The following CLEC12A variants were observed in gnomAD, a reference collection of about 807,000 sequenced individuals.
CLEC12A encodes C-type lectin domain family 12 member A.
A neutral mutation model predicts 26.5 loss-of-function variants in CLEC12A; 22 were observed. That is an observed-to-expected ratio of 0.83 (90% confidence interval 0.59 to 1.19). The LOEUF (loss-of-function observed/expected upper bound fraction) is 1.19, where lower values mean the gene tolerates loss of function less well. CLEC12A is among the 50% of genes most tolerant of loss of function. The pLI is 0.00. For synonymous variants in CLEC12A, 119 were observed against 101.9 expected (o/e 1.17, Z -1.01); for missense variants, 353 against 315.6 (o/e 1.12, Z -0.90).
the CLEC12A span, among the ~76,000 whole-genome samples, chr12:10,003,321 A>G: frequency 2.0e-5 from 3 of 152,346 alleles, no homozygotes; most frequent in East Asian, 5.8e-4. Context: ...AAGCTAAACA[A>G]TTAATAACTA....
upstream of CLEC12A, among the ~76,000 whole-genome samples, chr12:9,967,603 G>A (rs1260589649): frequency 6.6e-6 from 1 of 152,060 alleles, no homozygotes; most frequent in Non-Finnish European, 1.5e-5. Flanking sequence ...GTAGAGACAT[G>A]GAGAGAAGGG....
intron 4 of CLEC12A, among the ~76,000 whole-genome samples, chr12:9,994,481 G>T (rs865936923): frequency 6.6e-6 from 1 of 152,056 alleles, no homozygotes; most frequent in Admixed American, 6.6e-5. Context: ...AATTTTAATT[G>T]AAGAGAGACT....
the CLEC12A span, among the ~76,000 whole-genome samples, chr12:10,001,986 TCTC>T: frequency 1.3e-5 from 2 of 151,830 alleles, no homozygotes; most frequent in African/African-American, 2.4e-5. Context: ...TTCACGCCGT[TCTC>T]CTGCCTCAGC....
intron 1 of CLEC12A, among the ~76,000 whole-genome samples, chr12:9,962,532 G>C (rs1227559594): frequency 6.6e-6 from 1 of 152,152 alleles, no homozygotes; most frequent in Admixed American, 6.5e-5. Flanking sequence ...AGTCCGAAAA[G>C]AGAGTCAGCG....
At chr12:10,002,678 G>A in the CLEC12A span, among the ~76,000 whole-genome samples, 1 of 151,962 alleles carries the variant, frequency 6.6e-6, no homozygotes, top group African/African-American at 2.4e-5. Flanking sequence ...TCCTGACCTC[G>A]TGATCCGCCC....
downstream of CLEC12A, among the ~76,000 whole-genome samples, chr12:9,988,626 C>T (rs563413071): frequency 6.2e-4 from 94 of 152,338 alleles, no homozygotes; most frequent in African/African-American, 2.2e-3. Flanking sequence ...CTCATCATCA[C>T]TGGCCATCAG....
upstream of CLEC12A, among the ~76,000 whole-genome samples, chr12:9,969,248 A>C (rs1197115841): frequency 6.6e-6 from 1 of 152,238 alleles, no homozygotes; most frequent in Non-Finnish European, 1.5e-5. Context: ...GAAGAAATGT[A>C]CTATTCCCAA....
At chr12:9,957,541 C>T (rs1284228064) in intron 1 of CLEC12A, among the ~76,000 whole-genome samples, 2 of 150,840 alleles carry the variant, frequency 1.3e-5, no homozygotes, top group Non-Finnish European at 3.0e-5. Context: ...AGATAAGAGA[C>T]AAATGGTTGT....
At chr12:9,980,379 T>G (rs623728) in intron 3 of CLEC12A, among the ~76,000 whole-genome samples, 1 of 149,544 alleles carries the variant, frequency 6.7e-6, no homozygotes, top group African/African-American at 2.5e-5. Flanking sequence ...TGGAGGCTGC[T>G]GTGAGCTGAG....
At chr12:9,961,954 A>G (rs182897189) in intron 1 of CLEC12A, among the ~76,000 whole-genome samples, 1 of 152,324 alleles carries the variant, frequency 6.6e-6, no homozygotes, top group Admixed American at 6.5e-5. Flanking sequence ...TAGGAAGAAT[A>G]GGCAAAAGAT....
chr12:9,953,886 G>A (rs1429658570), intron 1 of CLEC12A, among the ~76,000 whole-genome samples: 1 of 151,982 alleles, frequency 6.6e-6, no homozygotes, highest in Non-Finnish European at 1.5e-5. Context: ...TCTGCCTTGG[G>A]ATCCTGTTGA....
At chr12:9,973,320 A>T (rs1864202844) in intron 1 of CLEC12A, among the ~76,000 whole-genome samples, 1 of 152,160 alleles carries the variant, frequency 6.6e-6, no homozygotes, top group South Asian at 2.1e-4. Context: ...TTTTTAATTA[A>T]CTGGGCACCC....
chr12:10,005,149 A>C, the CLEC12A span, among the ~76,000 whole-genome samples: 1 of 152,192 alleles, frequency 6.6e-6, no homozygotes, highest in Non-Finnish European at 1.5e-5. Flanking sequence ...TTTACTGATC[A>C]CTGCAGATGT....
downstream of CLEC12A, chr12:9,997,304 T>C: frequency 1.3e-6 from 2 of 1,583,132 alleles, no homozygotes; most frequent in East Asian, 2.3e-5. Context: ...TAAATAATAA[T>C]AATTTGTAAT....
chr12:9,999,476 T>C (rs953715231), downstream of CLEC12A, among the ~76,000 whole-genome samples: 9 of 152,182 alleles, frequency 5.9e-5, no homozygotes, highest in Non-Finnish European at 1.2e-4. Context: ...CTAAATTACA[T>C]TGCTCAAATG....
chr12:9,994,652 T>C (rs1056160075), intron 4 of CLEC12A, among the ~76,000 whole-genome samples: 2 of 152,080 alleles, frequency 1.3e-5, no homozygotes, highest in Non-Finnish European at 2.9e-5. Context: ...TGAAATACAA[T>C]GTATCGAATT....
At chr12:9,987,519 G>T (rs767371844), downstream of CLEC12A, among the ~76,000 whole-genome samples, 12 of 152,080 alleles carry the variant, frequency 7.9e-5, no homozygotes, top group Non-Finnish European at 1.8e-4. Flanking sequence ...ATACTTTGTG[G>T]GCTGAGGCAA....
intron 1 of CLEC12A, among the ~76,000 whole-genome samples, chr12:9,976,172 T>G (rs1022647806): frequency 3.3e-5 from 5 of 152,238 alleles, no homozygotes; most frequent in African/African-American, 1.2e-4. Context: ...CCCACTGGGG[T>G]ACTGTCCAGT....
intron 5 of CLEC12A, chr12:9,984,255 T>C (rs893606019): frequency 3.9e-5 from 6 of 152,530 alleles, no homozygotes; most frequent in African/African-American, 1.4e-4. Context: ...ATGAACTTAT[T>C]TACTGGTTGA....
Sources: allele counts gnomAD v4.1 joint callset (sites outside exome capture counted in the v4.1 genomes callset), GRCh38; gene constraint gnomAD v4.1.1; transcripts MANE v1.5; gene names NCBI Gene and HGNC (gene_info 2026-07-23, HGNC 2026-07-21).